CBLB: variants seen among roughly 807,000 people sequenced by gnomAD.
CBLB encodes the protein Cbl proto-oncogene B.
In CBLB, 31 loss-of-function variants were observed where a neutral mutation model predicts 104.9. That is an observed-to-expected ratio of 0.30 (90% CI 0.22 to 0.40). The LOEUF (loss-of-function observed/expected upper bound fraction) is 0.40, where lower values mean the gene tolerates loss of function less well. Ranked by LOEUF, CBLB falls within the 10% of genes least tolerant of loss-of-function variation. The probability of loss-of-function intolerance (pLI) is 1.00; values close to 1 mark genes in which losing one functional copy is unlikely to be tolerated. For synonymous variants in CBLB, 440 were observed against 422.6 expected, an observed-to-expected ratio of 1.04 and a Z score of -0.51; for missense variants, 1,062 against 1,214.6, an observed-to-expected ratio of 0.87 and a Z score of 1.87.
At chr3:105,702,028 T>C in intron 12 of CBLB, 66 bp downstream of exon 12, 1 of 1,582,902 alleles carries the variant, frequency 6.3e-7, no homozygotes, top group Non-Finnish European at 8.7e-7. Flanking sequence ...CCCAACCTTT[T>C]ATGCTACTGA....
At chr3:105,815,271 T>A (rs895132132) in intron 3 of CBLB, among the ~76,000 whole-genome samples, 3 of 152,138 alleles carry the variant, frequency 2.0e-5, no homozygotes, top group Non-Finnish European at 4.4e-5. Flanking sequence ...ATTGAATGAA[T>A]GATAAAAATA....
intron 3 of CBLB, among the ~76,000 whole-genome samples, chr3:105,799,942 A>G (rs1388895784): frequency 6.6e-6 from 1 of 152,220 alleles, no homozygotes; most frequent in Non-Finnish European, 1.5e-5. Flanking sequence ...AAATAAAATA[A>G]ACATTGTTTT....
chr3:105,840,173 T>G (rs1282989534), intron 3 of CBLB, among the ~76,000 whole-genome samples: 1 of 152,180 alleles, frequency 6.6e-6, no homozygotes, highest in African/African-American at 2.4e-5. Flanking sequence ...ATTAATATAG[T>G]TCAGAAAAAA....
chr3:105,697,251 G>A (rs554765617), intron 12 of CBLB, among the ~76,000 whole-genome samples: 8 of 151,928 alleles, frequency 5.3e-5, no homozygotes, highest in East Asian at 1.9e-4. Flanking sequence ...AAACTGGCTT[G>A]TATAATTTAT....
chr3:105,869,054 G>A (rs991133171), upstream of CBLB: 106 of 1,079,810 alleles, frequency 9.8e-5, 3 homozygotes, highest in East Asian at 6.5e-4. Context: ...GCTCGGGGCG[G>A]GGCGGGGCGG....
rs138962421 is a variant in CBLB at position 105,830,044 on chromosome 3, T to G, written c.419+23370A>C. ...TCTTACTCTGGGGAATTCCAATGCC[T>G]TAGGTGTTATAAATGAGAACAAAGA... On this transcript the variant is annotated intron_variant, in intron 3 of 18. Transcript: ENST00000394030. Among the ~76,000 whole-genome samples, 746 of 152,266 alleles carry G rather than the reference T, an allele frequency of 4.9e-3. 2 individuals carry two copies. Among genetic ancestry groups the G allele is most frequent in the Middle Eastern group, 0.024 (7 of 294 alleles).
chr3:105,801,177 ATAACCT>A (rs533510035), intron 3 of CBLB, among the ~76,000 whole-genome samples: 21 of 152,336 alleles, frequency 1.4e-4, no homozygotes, highest in African/African-American at 4.1e-4. Flanking sequence ...ATTAATAAAA[ATAACCT>A]TTAACGCACT....
chr3:105,779,629 G>A (rs968431036), intron 3 of CBLB, among the ~76,000 whole-genome samples: 3 of 150,478 alleles, frequency 2.0e-5, no homozygotes, highest in Non-Finnish European at 4.4e-5. Flanking sequence ...GGTTGCAATC[G>A]ACACCAAGGT....
chr3:105,825,681 T>C (rs945206507), intron 3 of CBLB, among the ~76,000 whole-genome samples: 1 of 152,180 alleles, frequency 6.6e-6, no homozygotes. Flanking sequence ...GCCTCAGCTT[T>C]TAGAGTAAAA....
At chr3:105,733,600 C>A (rs1177452610) in intron 9 of CBLB, among the ~76,000 whole-genome samples, 1 of 152,078 alleles carries the variant, frequency 6.6e-6, no homozygotes, top group African/African-American at 2.4e-5. Flanking sequence ...GAGACAGGAA[C>A]CATGCCTCCT....
intron 12 of CBLB, among the ~76,000 whole-genome samples, chr3:105,695,501 T>TCTATCA (rs2068254566): frequency 6.6e-6 from 1 of 151,836 alleles, no homozygotes; most frequent in African/African-American, 2.4e-5. Context: ...GGCAATGATG[T>TCTATCA]CTATCACTAG....
At chr3:105,758,819 A>G (rs1576940394) in intron 4 of CBLB, among the ~76,000 whole-genome samples, 1 of 152,212 alleles carries the variant, frequency 6.6e-6, no homozygotes, top group East Asian at 1.9e-4. Context: ...GTGGCACCCA[A>G]AAGCTTGGAG....
At chr3:105,674,763 A>T (rs1333412292) in intron 17 of CBLB, among the ~76,000 whole-genome samples, 2 of 152,204 alleles carry the variant, frequency 1.3e-5, no homozygotes, top group East Asian at 3.8e-4. Flanking sequence ...TTTGTTGGGG[A>T]CTTCAGGTTT....
At chr3:105,725,971 C>A (rs1419115002) in intron 9 of CBLB, among the ~76,000 whole-genome samples, 1 of 152,110 alleles carries the variant, frequency 6.6e-6, no homozygotes, top group Non-Finnish European at 1.5e-5. Flanking sequence ...TGTGCCTCAG[C>A]CTCCCAAGCT....
intron 3 of CBLB, among the ~76,000 whole-genome samples, chr3:105,820,719 ATTTT>A (rs904225995): frequency 6.6e-6 from 1 of 152,060 alleles, no homozygotes; most frequent in Admixed American, 6.6e-5. Context: ...ATTCTTCAGA[ATTTT>A]TTTTAATTTT....
intron 4 of CBLB, among the ~76,000 whole-genome samples, chr3:105,762,906 C>T (rs981816099): frequency 2.0e-5 from 3 of 152,194 alleles, no homozygotes; most frequent in African/African-American, 7.2e-5. Context: ...CAACATCAGC[C>T]CATGAAAGCA....
Position 105,745,951 on chromosome 3 carries a change from C to A in CBLB, c.811G>T (p.Ala271Ser), listed in dbSNP as rs1371284619. The A allele has an allele frequency of 6.2e-7, 1 of 1,612,434 alleles. No homozygotes were observed. Among genetic ancestry groups the A allele is most frequent in the Non-Finnish European group, 8.5e-7 (1 of 1,178,556 alleles). Reference sequence around the variant, plus strand: ...TTGGTGCTATATTTCTGTAGTCGTGCTTTAACTTCATCATATGTGAGAAAT... The same window carrying A: ...TTGGTGCTATATTTCTGTAGTCGTGATTTAACTTCATCATATGTGAGAAAT... ...MAFLTYDEVKARLQKYSTKPG... is the reference protein window; with the variant it reads ...MAFLTYDEVKSRLQKYSTKPG... The change falls in exon 6 of 19, where the codon GCA becomes TCA. Residue 271 changes from alanine (A) to serine (S), a missense_variant. Ala to Ser is a moderately conservative substitution (Grantham distance 99). Around this residue, in one of 2 missense-constraint regions of CBLB, gnomAD observed 457 missense variants for 632.0 expected, o/e 0.72. Coordinates refer to ENST00000394030, the MANE Select transcript of CBLB (RefSeq NM_170662.5).
intron 17 of CBLB, among the ~76,000 whole-genome samples, chr3:105,676,429 T>C (rs2065651227): frequency 6.6e-6 from 1 of 152,182 alleles, no homozygotes; most frequent in African/African-American, 2.4e-5. Flanking sequence ...TCTTTTATTA[T>C]AGCTCTTGGA....
intron 17 of CBLB, chr3:105,671,453 T>C (rs1356658558): frequency 4.6e-6 from 1 of 216,032 alleles, no homozygotes; most frequent in African/African-American, 2.3e-5. Context: ...GCACTTAATA[T>C]TTACTTTTAA....
Sources: gnomAD v4.1 joint callset for allele counts (sites outside exome capture counted in the v4.1 genomes callset) on GRCh38, gnomAD v4.1.1 for gene constraint, gnomAD v4.1.1 regional missense constraint, MANE v1.5 for transcripts, NCBI Gene and HGNC (gene_info 2026-07-23, HGNC 2026-07-21) for gene names.